Variants in PHC2 observed in about 807,000 individuals in gnomAD.
The protein encoded by PHC2 is polyhomeotic-like protein 2.
A neutral mutation model predicts 87.4 loss-of-function variants in PHC2; 29 were observed. The observed-to-expected ratio is 0.33, with a 90% CI of 0.25 to 0.45. The LOEUF is 0.45. PHC2 is among the 20% of genes least tolerant of loss of function. PHC2 has a pLI of 1.00. For missense variants in PHC2, 857 were observed against 1,136.7 expected (o/e 0.75, Z 3.54); for synonymous variants, 438 against 461.7 (o/e 0.95, Z 0.66).
intron 3 of PHC2, among the ~76,000 whole-genome samples, chr1:33,371,548 C>T (rs1570494245): frequency 6.6e-6 from 1 of 152,290 alleles, no homozygotes; most frequent in Non-Finnish European, 1.5e-5. Flanking sequence ...CCAGCCACCG[C>T]CCCCCACAGA....
chr1:33,377,709 A>G (rs1648256743), intron 1 of PHC2, among the ~76,000 whole-genome samples: 1 of 151,826 alleles, frequency 6.6e-6, no homozygotes, highest in Non-Finnish European at 1.5e-5. Context: ...AGAAAATATA[A>G]TTTTTCATAC....
At position 33,354,610 on chromosome 1, in the gene PHC2, C is replaced by G. The variant is rs925283621; in HGVS notation, c.1393-44G>C. The stretch of plus-strand genomic sequence containing the variant: ...GAGAGGGGGGCCTCTCAGAAATAGC[C>G]TTTGCATTCTTGGATACTTCCCTGG... On this transcript the variant is annotated intron_variant, in intron 8 of 14. Coordinates refer to ENST00000683057, the MANE Select transcript of PHC2 (RefSeq NM_001385109.1). 6 of 1,569,926 alleles carry G rather than the reference C, an allele frequency of 3.8e-6. No homozygotes were observed. In the African/African-American group the frequency reaches 6.8e-5, roughly 18 times the overall value.
chr1:33,356,897 C>T (rs373340546), intron 7 of PHC2, among the ~76,000 whole-genome samples: 5 of 152,138 alleles, frequency 3.3e-5, no homozygotes, highest in Admixed American at 1.3e-4. Context: ...ACCTCCCAGA[C>T]GGGGCGGCGG....
chr1:33,341,027 A>T (rs1242670511), intron 9 of PHC2, among the ~76,000 whole-genome samples: 2 of 152,154 alleles, frequency 1.3e-5, no homozygotes, highest in Admixed American at 1.3e-4. Context: ...TAGATGAAGC[A>T]ACTTGGCCTC....
chr1:33,327,943 G>A (rs1003082376), intron 14 of PHC2, among the ~76,000 whole-genome samples: 1 of 152,228 alleles, frequency 6.6e-6, no homozygotes, highest in Admixed American at 6.5e-5. Flanking sequence ...CACAGCAACT[G>A]TGTAATAAAA....
intron 13 of PHC2, among the ~76,000 whole-genome samples, chr1:33,329,353 G>A (rs779841841): frequency 4.3e-4 from 65 of 152,134 alleles, no homozygotes; most frequent in Non-Finnish European, 7.1e-4. Flanking sequence ...ACACAATACT[G>A]CAATTATCTT....
chr1:33,423,963 G>A (rs1369076436), intron 1 of PHC2, among the ~76,000 whole-genome samples: 5 of 152,088 alleles, frequency 3.3e-5, no homozygotes, highest in Admixed American at 1.3e-4. Flanking sequence ...CGGGCATGGT[G>A]GCACACACCT....
intron 1 of PHC2, among the ~76,000 whole-genome samples, chr1:33,419,810 C>T (rs1027088883): frequency 5.3e-5 from 8 of 152,004 alleles, no homozygotes; most frequent in East Asian, 1.9e-4. Context: ...GGGGTTTCAC[C>T]GTGTTAGCCA....
intron 1 of PHC2, among the ~76,000 whole-genome samples, chr1:33,411,995 C>T (rs1291859804): frequency 1.3e-5 from 2 of 152,186 alleles, no homozygotes; most frequent in African/African-American, 4.8e-5. Context: ...CTACAGCTAA[C>T]ATCATATTTA....
chr1:33,339,923 T>C (rs80024837), intron 9 of PHC2, among the ~76,000 whole-genome samples: 2,027 of 152,282 alleles, frequency 0.013, 24 homozygotes, highest in Non-Finnish European at 0.02. Flanking sequence ...GCTCAAAAAG[T>C]TTGGGATTTT....
intron 1 of PHC2, among the ~76,000 whole-genome samples, chr1:33,386,134 C>G (rs1022225238): frequency 2.6e-5 from 4 of 152,022 alleles, no homozygotes; most frequent in African/African-American, 9.7e-5. Context: ...TCAGTCAGCT[C>G]TTCCTTGTTT....
At chr1:33,394,324 G>A (rs1649207227) in intron 1 of PHC2, among the ~76,000 whole-genome samples, 1 of 151,770 alleles carries the variant, frequency 6.6e-6, no homozygotes, top group Non-Finnish European at 1.5e-5. Context: ...AAGGAAAAAG[G>A]GGAACAGCAA....
chr1:33,383,201 A>C (rs148442879), intron 1 of PHC2, among the ~76,000 whole-genome samples: 2 of 152,192 alleles, frequency 1.3e-5, no homozygotes, highest in Non-Finnish European at 2.9e-5. Flanking sequence ...CTGCATGAAC[A>C]TAAGTGTCCT....
intron 1 of PHC2, among the ~76,000 whole-genome samples, chr1:33,430,350 T>G (rs1446494543): frequency 2.6e-5 from 4 of 152,174 alleles, no homozygotes; most frequent in Non-Finnish European, 5.9e-5. Flanking sequence ...TAGACGACTG[T>G]TCTCTCCTCC....
At chr1:33,403,492 G>A (rs1649632462) in intron 1 of PHC2, among the ~76,000 whole-genome samples, 1 of 152,170 alleles carries the variant, frequency 6.6e-6, no homozygotes, top group African/African-American at 2.4e-5. Context: ...TGCAAACAGG[G>A]AGGAGCATAT....
intron 9 of PHC2, among the ~76,000 whole-genome samples, chr1:33,340,872 C>G (rs1192113248): frequency 6.9e-6 from 1 of 145,570 alleles, no homozygotes; most frequent in African/African-American, 2.6e-5. Flanking sequence ...CTGTGAATTA[C>G]TCGACTCAGA....
chr1:33,327,051 G>C (rs1215451840), intron 14 of PHC2, among the ~76,000 whole-genome samples: 1 of 152,200 alleles, frequency 6.6e-6, no homozygotes, highest in Non-Finnish European at 1.5e-5. Context: ...TCACAGAAAA[G>C]GAAGGAGAAC....
chr1:33,429,473 T>C (rs147208608), intron 1 of PHC2, among the ~76,000 whole-genome samples: 1 of 152,360 alleles, frequency 6.6e-6, no homozygotes, highest in Non-Finnish European at 1.5e-5. Flanking sequence ...TTTCCAATTT[T>C]CTCTGCAAGG....
At chr1:33,404,480 T>G (rs562632696) in intron 1 of PHC2, among the ~76,000 whole-genome samples, 1 of 152,338 alleles carries the variant, frequency 6.6e-6, no homozygotes, top group South Asian at 2.1e-4. Context: ...ACTATCTAAT[T>G]ATTTTCCTCT....
Sources: gnomAD v4.1 joint callset for allele counts (sites outside exome capture counted in the v4.1 genomes callset) on GRCh38, gnomAD v4.1.1 for gene constraint, MANE v1.5 for transcripts, NCBI Gene and HGNC (gene_info 2026-07-23, HGNC 2026-07-21) for gene names.